The following WDR70 variants were observed in gnomAD, a reference collection of about 807,000 sequenced individuals.
WDR70 encodes WD repeat-containing protein 70.
In WDR70, 53 loss-of-function variants were observed where a neutral mutation model predicts 88.6. The ratio of observed to expected loss-of-function variants is 0.60; its 90% CI spans 0.48 to 0.75. The LOEUF (loss-of-function observed/expected upper bound fraction) is 0.75, where lower values mean the gene tolerates loss of function less well. Ranked by LOEUF, WDR70 falls within the 30% of genes least tolerant of loss-of-function variation. The pLI is 0.00. For synonymous variants in WDR70, 280 were observed against 270.0 expected (o/e 1.04, Z -0.36); for missense variants, 610 against 823.2 (o/e 0.74, Z 3.17).
Position 37,379,405 on chromosome 5 carries a change from A to G in WDR70, c.25+13A>G. 1 of 1,613,584 alleles carries G rather than the reference A, an allele frequency of 6.2e-7. No homozygotes were observed. Among genetic ancestry groups the G allele is most frequent in the South Asian group, 1.1e-5 (1 of 91,050 alleles). Reference sequence around the variant, plus strand: ...GGGCCCAGCGAAGGTGGGTTTCATGAGGCGAGTCCGGGCGGGGTGGGCCGT... The same window carrying G: ...GGGCCCAGCGAAGGTGGGTTTCATGGGGCGAGTCCGGGCGGGGTGGGCCGT... On this transcript the variant is annotated intron_variant, in intron 1 of 17. Transcript: ENST00000265107.
intron 10 of WDR70, among the ~76,000 whole-genome samples, chr5:37,658,501 T>C (rs537479120): frequency 6.6e-6 from 1 of 152,262 alleles, no homozygotes; most frequent in South Asian, 2.1e-4. Flanking sequence ...ATGCGTTGCC[T>C]CTTTCCTTGC....
At chr5:37,404,677 C>G (rs907095083) in intron 5 of WDR70, among the ~76,000 whole-genome samples, 16 of 152,122 alleles carry the variant, frequency 1.1e-4, no homozygotes, top group African/African-American at 3.9e-4. Context: ...ATTCTGGAAA[C>G]TGAGCCTGTA....
chr5:37,678,955 T>G lies in WDR70; in HGVS notation c.1093-18700T>G, dbSNP rs550440931. On this transcript the variant is annotated intron_variant, in intron 10 of 17. Transcript: ENST00000265107. ...TCTTTTTATTCTTTTTTCTCTAAAC[T>G]TCCCTTCTCGCTTCATTTCATTCAT... Among the ~76,000 whole-genome samples the G allele has an allele frequency of 1.1e-4, 17 of 152,376 alleles. No individual in the cohort carries two copies. In the East Asian group the frequency reaches 3.1e-3, roughly 28 times the overall value.
At chr5:37,416,559 G>C (rs1749761058) in intron 5 of WDR70, among the ~76,000 whole-genome samples, 1 of 150,790 alleles carries the variant, frequency 6.6e-6, no homozygotes, top group Non-Finnish European at 1.5e-5. Context: ...GAGAGGGAGA[G>C]GGAGAGGGCT....
chr5:37,506,170 C>G, intron 8 of WDR70: 1 of 1,044,940 alleles, frequency 9.6e-7, no homozygotes, highest in Non-Finnish European at 1.5e-6. Flanking sequence ...TAACGAGAAA[C>G]ATCAGCACCA....
intron 17 of WDR70, among the ~76,000 whole-genome samples, chr5:37,734,733 A>G (rs189599514): frequency 6.6e-6 from 1 of 152,108 alleles, no homozygotes; most frequent in Non-Finnish European, 1.5e-5. Flanking sequence ...GGAGTGAGCC[A>G]TGCAAATACC....
At chr5:37,465,968 T>C (rs1183663281) in intron 7 of WDR70, among the ~76,000 whole-genome samples, 2 of 152,062 alleles carry the variant, frequency 1.3e-5, no homozygotes, top group Non-Finnish European at 2.9e-5. Context: ...TTTATATTTA[T>C]TTTGGGATTT....
At chr5:37,501,043 C>A (rs1740393288) in intron 8 of WDR70, among the ~76,000 whole-genome samples, 1 of 151,996 alleles carries the variant, frequency 6.6e-6, no homozygotes, top group Non-Finnish European at 1.5e-5. Context: ...CTGGCCTAGG[C>A]CATTTTTATA....
At chr5:37,403,942 C>G (rs866677421) in intron 5 of WDR70, among the ~76,000 whole-genome samples, 1 of 152,050 alleles carries the variant, frequency 6.6e-6, no homozygotes, top group Non-Finnish European at 1.5e-5. Flanking sequence ...GGGTCTTGCT[C>G]TCTTGTCTGT....
chr5:37,639,066 G>C (rs1037918172), intron 10 of WDR70, among the ~76,000 whole-genome samples: 2 of 152,196 alleles, frequency 1.3e-5, no homozygotes, highest in African/African-American at 4.8e-5. Flanking sequence ...AAGAAATGCA[G>C]AACGTAAAAA....
intron 7 of WDR70, among the ~76,000 whole-genome samples, chr5:37,478,168 T>C (rs1739543661): frequency 6.6e-6 from 1 of 152,232 alleles, no homozygotes; most frequent in Non-Finnish European, 1.5e-5. Context: ...TTTGTCACTC[T>C]CAGCCTTTTG....
At chr5:37,491,621 T>G (rs1282403458) in intron 8 of WDR70, among the ~76,000 whole-genome samples, 1 of 152,206 alleles carries the variant, frequency 6.6e-6, no homozygotes, top group African/African-American at 2.4e-5. Context: ...GTTTTATTTA[T>G]TTTTGAATAG....
At chr5:37,518,683 T>G (rs1439890652) in intron 9 of WDR70, among the ~76,000 whole-genome samples, 1 of 149,076 alleles carries the variant, frequency 6.7e-6, no homozygotes, top group Admixed American at 6.7e-5. Flanking sequence ...CAGATATCTT[T>G]TTTTTTTTTT....
intron 13 of WDR70, among the ~76,000 whole-genome samples, chr5:37,719,329 A>G (rs1008990505): frequency 1.3e-5 from 2 of 151,926 alleles, no homozygotes; most frequent in Middle Eastern, 3.4e-3. Flanking sequence ...TTTTACAAGC[A>G]TAGGTACAAA....
intron 8 of WDR70, among the ~76,000 whole-genome samples, chr5:37,486,638 C>T (rs1467494487): frequency 6.6e-6 from 1 of 152,162 alleles, no homozygotes; most frequent in African/African-American, 2.4e-5. Flanking sequence ...AGCCACCATG[C>T]CCGGCCTTGA....
At chr5:37,401,605 C>T (rs1749196650) in intron 5 of WDR70, among the ~76,000 whole-genome samples, 2 of 152,094 alleles carry the variant, frequency 1.3e-5, no homozygotes, top group South Asian at 4.1e-4. Flanking sequence ...GAGTGAGCCA[C>T]CTTACCCAGG....
intron 10 of WDR70, among the ~76,000 whole-genome samples, chr5:37,692,323 T>C (rs1442032077): frequency 6.6e-6 from 1 of 152,148 alleles, no homozygotes; most frequent in Non-Finnish European, 1.5e-5. Context: ...TCTGGAACTA[T>C]TACAATCAAT....
intron 5 of WDR70, among the ~76,000 whole-genome samples, chr5:37,397,739 A>T (rs1299807335): frequency 6.6e-6 from 1 of 152,200 alleles, no homozygotes; most frequent in Non-Finnish European, 1.5e-5. Context: ...TCACATCTGT[A>T]ATCCCAGCAC....
intron 7 of WDR70, among the ~76,000 whole-genome samples, chr5:37,453,873 C>T (rs891996504): frequency 6.6e-6 from 1 of 152,132 alleles, no homozygotes; most frequent in African/African-American, 2.4e-5. Context: ...CCTTTCCTCA[C>T]CATACTGTCA....
Sources: gnomAD v4.1 joint callset for allele counts (sites outside exome capture counted in the v4.1 genomes callset) on GRCh38, gnomAD v4.1.1 for gene constraint, MANE v1.5 for transcripts, NCBI Gene and HGNC (gene_info 2026-07-23, HGNC 2026-07-21) for gene names.